The following LDB2 variants were observed in gnomAD, a reference collection of about 807,000 sequenced individuals.
The protein encoded by LDB2 is LIM domain binding 2.
A neutral mutation model predicts 44.3 loss-of-function variants in LDB2; 12 were observed. The ratio of observed to expected loss-of-function variants is 0.27; its 90% CI spans 0.17 to 0.44. The LOEUF is 0.44. Among genes scored for constraint, LDB2 ranks in the 20% least tolerant of loss-of-function variants. The pLI, the probability that LDB2 is intolerant of heterozygous loss-of-function variation, is 1.00. For synonymous variants in LDB2, 164 were observed against 174.8 expected (o/e 0.94, Z 0.49); for missense variants, 344 against 473.5 (o/e 0.73, Z 2.54).
Position 16,661,149 on chromosome 4 carries a change from A to G in LDB2, c.236-65274T>C, listed in dbSNP as rs75805116. On this transcript the variant is annotated intron_variant, in intron 2 of 7. Coordinates refer to ENST00000304523, the MANE Select transcript of LDB2 (RefSeq NM_001290.5). The stretch of plus-strand genomic sequence containing the variant: ...CCTCATAGTACATTGTACAAGATTC[A>G]TTACTGTGTGCATGGTGTATGTGTC... 3.6e-3 allele frequency among the ~76,000 whole-genome samples: 546 copies of G among 152,296 alleles called. 2 individuals carry two copies. Among genetic ancestry groups the G allele is most frequent in the African/African-American group, 0.013 (524 of 41,562 alleles).
rs1020047604 is a variant in LDB2 at position 16,893,508 on chromosome 4, TCCCCCTCCTCCCCA to T, written c.132+4832_132+4845del. Among the ~76,000 whole-genome samples, 5 of 150,906 alleles carry T rather than the reference TCCCCCTCCTCCCCA, an allele frequency of 3.3e-5. No individual in the cohort carries two copies. In the East Asian group the frequency reaches 9.8e-4, roughly 30 times the overall value. On this transcript the variant is annotated intron_variant, in intron 1 of 7. Coordinates refer to ENST00000304523, the MANE Select transcript of LDB2 (RefSeq NM_001290.5). ...AGCTGAAAGAAAAGAGGACTAAGAA[TCCCCCTCCTCCCCA>T]CCCCCTCCCCAGGGAGTTTTAGAGT... is the stretch of plus-strand genomic sequence containing the variant.
rs373679529 is a variant in LDB2 at position 16,508,488 on chromosome 4, G to A, written c.891+47C>T. On this transcript the variant is annotated intron_variant, in intron 7 of 7. Transcript: ENST00000304523. ...ACTTTAATTTGGGCCCTTTGAGTAGGAAGCAGACAGTTAGGATTTCGGGCC... is the reference window on the plus strand; with the variant it reads ...ACTTTAATTTGGGCCCTTTGAGTAGAAAGCAGACAGTTAGGATTTCGGGCC... The A allele has an allele frequency of 4.1e-6, 6 of 1,460,380 alleles. No homozygotes were observed. In the African/African-American group the frequency reaches 8.6e-5, roughly 21 times the overall value. The allele number at this position is 1,460,380 out of a possible 1,614,324, so 90.5% of individuals were successfully genotyped here. A position where few individuals can be genotyped will look rare whatever the true frequency, so the allele number is the denominator to read the frequency against.
At chr4:16,663,504 G>A (rs1742170630) in intron 2 of LDB2, among the ~76,000 whole-genome samples, 2 of 152,162 alleles carry the variant, frequency 1.3e-5, no homozygotes, top group South Asian at 2.1e-4. Flanking sequence ...GATGTAAATG[G>A]TTGGTGACTC....
At chr4:16,746,827 G>C (rs1262790899) in intron 2 of LDB2, among the ~76,000 whole-genome samples, 1 of 152,116 alleles carries the variant, frequency 6.6e-6, no homozygotes, top group Non-Finnish European at 1.5e-5. Context: ...AAAATAGGAA[G>C]TGAAATGTAA....
chr4:16,516,672 G>A (rs1441666686), intron 5 of LDB2, among the ~76,000 whole-genome samples: 1 of 152,164 alleles, frequency 6.6e-6, no homozygotes, highest in African/African-American at 2.4e-5. Context: ...CTTATTGTGA[G>A]GACCCATGAG....
At chr4:16,655,103 C>G (rs1054466675) in intron 2 of LDB2, among the ~76,000 whole-genome samples, 2 of 152,054 alleles carry the variant, frequency 1.3e-5, no homozygotes, top group African/African-American at 4.8e-5. Flanking sequence ...TCTCCCCATG[C>G]AGAAATCTGA....
chr4:16,655,960 C>T (rs898069370), intron 2 of LDB2, among the ~76,000 whole-genome samples: 2 of 124,112 alleles, frequency 1.6e-5, no homozygotes, highest in Non-Finnish European at 3.1e-5. Flanking sequence ...AGTGCGGTGG[C>T]GCAATCTCAG....
intron 5 of LDB2, among the ~76,000 whole-genome samples, chr4:16,584,841 T>C (rs1006467867): frequency 3.9e-5 from 6 of 152,166 alleles, no homozygotes; most frequent in African/African-American, 1.2e-4. Context: ...TTGATGTTTA[T>C]TAATCTGTGT....
At chr4:16,532,353 T>C (rs1411835783) in intron 5 of LDB2, among the ~76,000 whole-genome samples, 1 of 152,164 alleles carries the variant, frequency 6.6e-6, no homozygotes, top group Non-Finnish European at 1.5e-5. Flanking sequence ...TCTGCAGCAT[T>C]AATAAATAGA....
intron 1 of LDB2, among the ~76,000 whole-genome samples, chr4:16,817,536 G>A (rs993491263): frequency 6.6e-6 from 1 of 152,194 alleles, no homozygotes; most frequent in Non-Finnish European, 1.5e-5. Flanking sequence ...GTAGAGCAAA[G>A]CCCTGCTCAC....
intron 2 of LDB2, among the ~76,000 whole-genome samples, chr4:16,656,129 G>A (rs566885854): frequency 2.6e-5 from 4 of 151,984 alleles, no homozygotes; most frequent in South Asian, 2.1e-4. Context: ...CCCGATCTCC[G>A]GACCTCGTGA....
At chr4:16,602,078 T>A (rs1413419424) in intron 2 of LDB2, among the ~76,000 whole-genome samples, 1 of 152,220 alleles carries the variant, frequency 6.6e-6, no homozygotes, top group African/African-American at 2.4e-5. Context: ...TTTCTCAAAC[T>A]AATTTACTTG....
chr4:16,659,792 C>T (rs1200984731), intron 2 of LDB2, among the ~76,000 whole-genome samples: 1 of 151,718 alleles, frequency 6.6e-6, no homozygotes, highest in Non-Finnish European at 1.5e-5. Flanking sequence ...AATTATTTTA[C>T]CACAATAGGA....
chr4:16,640,529 G>A (rs1421712846), intron 2 of LDB2, among the ~76,000 whole-genome samples: 1 of 152,166 alleles, frequency 6.6e-6, no homozygotes, highest in Non-Finnish European at 1.5e-5. Flanking sequence ...GATCCATGGG[G>A]TGAAGGGAAA....
chr4:16,832,097 A>G (rs1784167026), intron 1 of LDB2, among the ~76,000 whole-genome samples: 1 of 152,274 alleles, frequency 6.6e-6, no homozygotes, highest in Non-Finnish European at 1.5e-5. Context: ...ATTCTGTTAC[A>G]GCTGAACATA....
At chr4:16,628,651 A>G (rs559779925) in intron 2 of LDB2, among the ~76,000 whole-genome samples, 4 of 151,972 alleles carry the variant, frequency 2.6e-5, no homozygotes, top group African/African-American at 9.7e-5. Flanking sequence ...ATGGCCAAAT[A>G]GCAACAGCTC....
At chr4:16,733,572 G>A (rs1043078724) in intron 2 of LDB2, among the ~76,000 whole-genome samples, 1 of 152,178 alleles carries the variant, frequency 6.6e-6, no homozygotes, top group Admixed American at 6.5e-5. Flanking sequence ...GTTCATGTCT[G>A]TGCCTCAAAG....
intron 2 of LDB2, among the ~76,000 whole-genome samples, chr4:16,615,500 C>T (rs1160815654): frequency 1.3e-5 from 2 of 152,092 alleles, no homozygotes; most frequent in East Asian, 1.9e-4. Context: ...GAAACTAACA[C>T]AGGAACAGAA....
intron 1 of LDB2, among the ~76,000 whole-genome samples, chr4:16,814,113 G>A (rs1306051921): frequency 2.0e-5 from 3 of 152,008 alleles, no homozygotes; most frequent in East Asian, 1.9e-4. Context: ...CTCGTGATCC[G>A]CCCGCCTCGG....
Sources: gnomAD v4.1 joint callset for allele counts (sites outside exome capture counted in the v4.1 genomes callset) on GRCh38, gnomAD v4.1.1 for gene constraint, MANE v1.5 for transcripts, NCBI Gene and HGNC (gene_info 2026-07-23, HGNC 2026-07-21) for gene names.